Variants in PNLDC1 observed in about 807,000 individuals in gnomAD.
The protein encoded by PNLDC1 is poly(A)-specific ribonuclease PNLDC1.
Under a neutral mutation model 82.0 loss-of-function variants are expected in PNLDC1, and 70 were observed. The ratio of observed to expected loss-of-function variants is 0.85; its 90% CI spans 0.70 to 1.04. The LOEUF (loss-of-function observed/expected upper bound fraction) is 1.04. Among genes scored for constraint, PNLDC1 ranks in the 50% least tolerant of loss-of-function variants. The pLI, the probability that PNLDC1 is intolerant of heterozygous loss-of-function variation, is 0.00. For synonymous variants in PNLDC1, 280 were observed against 249.3 expected (o/e 1.12, Z -1.16); for missense variants, 631 against 661.1 (o/e 0.95, Z 0.50).
chr6:159,809,317 G>T (rs1781566318), intron 9 of PNLDC1, among the ~76,000 whole-genome samples, 159 bp downstream of exon 9: 1 of 152,120 alleles, frequency 6.6e-6, no homozygotes, highest in Admixed American at 6.5e-5. Flanking sequence ...GGTCTCACCT[G>T]TCACCCAGGC....
intron 7 of PNLDC1, among the ~76,000 whole-genome samples, chr6:159,806,838 T>C (rs979895859): frequency 1.3e-5 from 2 of 151,988 alleles, no homozygotes; most frequent in African/African-American, 4.8e-5. Context: ...ATACAGTGAT[T>C]GTGTCAAGGA....
chr6:159,805,856 G>C (rs1781428122), intron 6 of PNLDC1, 127 bp from the exon 7 acceptor site: 1 of 693,936 alleles, frequency 1.4e-6, no homozygotes, highest in Non-Finnish European at 2.6e-6. Flanking sequence ...GTCTTCTTTT[G>C]GTACATTTTC....
Position 159,800,448 on chromosome 6 carries a change from G to C in PNLDC1, c.76+65G>C, listed in dbSNP as rs532735206. The C allele has an allele frequency of 2.7e-6, 4 of 1,499,482 alleles. No homozygotes were observed. The East Asian group carries it at 1.0e-4, about 37-fold the overall frequency. The allele number at this position is 1,499,482 out of a possible 1,614,324, so 92.9% of individuals were successfully genotyped here. A position where few individuals can be genotyped will look rare whatever the true frequency, so the allele number is the denominator to read the frequency against. On this transcript the variant is annotated intron_variant, in intron 1 of 18. Transcript: ENST00000392167. ...CCTTGCCCCGGGCGAGCTTGAGGAGGGGGTGGCGGGACGGTTGCCAGGCCA... is the reference window on the plus strand; with the variant it reads ...CCTTGCCCCGGGCGAGCTTGAGGAGCGGGTGGCGGGACGGTTGCCAGGCCA...
Position 159,819,187 on chromosome 6 carries a change from CCCGCCTGATCACAGCAGGCGGCG to C in PNLDC1, c.1434-64_1434-42del. 1 of 1,609,068 alleles carries C rather than the reference CCCGCCTGATCACAGCAGGCGGCG, an allele frequency of 6.2e-7. No individual in the cohort carries two copies. Among genetic ancestry groups the C allele is most frequent in the Non-Finnish European group, 8.5e-7 (1 of 1,176,350 alleles). Reference sequence around the variant, plus strand: ...TCATCCCTGTATCTCTCTGACTCCACCCGCCTGATCACAGCAGGCGGCGCCATCCTGCTGCCTGGCTGACCACA... The same window carrying C: ...TCATCCCTGTATCTCTCTGACTCCACCCATCCTGCTGCCTGGCTGACCACA... On this transcript the variant is annotated intron_variant, in intron 17 of 18. Coordinates refer to ENST00000392167, the MANE Select transcript of PNLDC1 (RefSeq NM_001271862.2). The surrounding 1 kb of genome is among the most constrained non-coding windows in gnomAD (Gnocchi z 4.6).
In PNLDC1 at chr6:159,806,752, T is replaced by C. The variant is rs573062277; in HGVS notation, c.562+669T>C. The stretch of plus-strand genomic sequence containing the variant: ...TATTAAATCTCAATCTTTTGATTAC[T>C]CATCTTTTAAATATATGTCAATATA... On this transcript the variant is annotated intron_variant, in intron 7 of 18. Transcript: ENST00000392167. 2.8e-3 allele frequency among the ~76,000 whole-genome samples: 434 copies of C among 152,362 alleles called. 2 individuals are homozygous for C. The highest frequency in any genetic ancestry group is 1.0e-2 in the African/African-American group (414 of 41,590).
intron 1 of PNLDC1, 119 bp from the exon 2 acceptor site, chr6:159,800,653 A>G (rs769882653): frequency 1.3e-6 from 2 of 1,582,352 alleles, no homozygotes; most frequent in Admixed American, 1.8e-5. Context: ...TCCTGACCTC[A>G]CTTGGCTTCT....
chr6:159,813,509 C>T (rs1781710217), intron 11 of PNLDC1, 92 bp from the exon 12 acceptor site: 8 of 1,128,144 alleles, frequency 7.1e-6, no homozygotes, highest in Non-Finnish European at 8.1e-6. Flanking sequence ...GAGCATTTTC[C>T]AGGCCATTTT....
At chr6:159,801,211 G>A (rs531396929) in intron 3 of PNLDC1, 25 bp downstream of exon 3, 10 of 1,598,596 alleles carry the variant, frequency 6.3e-6, no homozygotes, top group Non-Finnish European at 7.7e-6. Context: ...AGCTGTTAGA[G>A]TTTTTCAAGA....
At chr6:159,806,218 TG>T in intron 7 of PNLDC1, 135 bp downstream of exon 7, 1 of 691,910 alleles carries the variant, frequency 1.4e-6, no homozygotes, top group Non-Finnish European at 2.6e-6. Context: ...TGCAAGCATT[TG>T]TTTGGCGGTT....
At chr6:159,820,329 G>A (rs553426542) in intron 18 of PNLDC1, 125 bp from the exon 19 acceptor site, 18 of 887,272 alleles carry the variant, frequency 2.0e-5, no homozygotes, top group Middle Eastern at 2.8e-4. Context: ...TGTTGTCGTC[G>A]GGAGAGTGAC....
chr6:159,816,549 CAA>C lies in PNLDC1; in HGVS notation c.1069_1070del (p.Lys357ValfsTer8). On this transcript the variant is annotated frameshift_variant, in exon 14 of 19. Coordinates refer to ENST00000392167, the MANE Select transcript of PNLDC1 (RefSeq NM_001271862.2). LOFTEE classifies it high-confidence loss of function. The stretch of plus-strand genomic sequence containing the variant: ...CTGGTGGAAAATGCCTCAGTTGAGA[CAA>C]AGTGCCCCCACGAAGCCGCGTATGA... 1 of 1,613,420 alleles carries C rather than the reference CAA, an allele frequency of 6.2e-7. No individual in the cohort carries two copies. Among genetic ancestry groups the C allele is most frequent in the Non-Finnish European group, 8.5e-7 (1 of 1,179,710 alleles).
At chr6:159,801,947 G>A (rs988759133) in intron 3 of PNLDC1, among the ~76,000 whole-genome samples, 3 of 151,642 alleles carry the variant, frequency 2.0e-5, no homozygotes, top group Admixed American at 6.6e-5. Context: ...GAGTGCAGTA[G>A]CGCGATGTGG....
chr6:159,815,890 A>T, intron 12 of PNLDC1, 79 bp from the exon 13 acceptor site: 1 of 1,123,008 alleles, frequency 8.9e-7, no homozygotes, highest in Non-Finnish European at 1.3e-6. Flanking sequence ...ATTTATATTA[A>T]CTTAAGGGAC....
In PNLDC1 at chr6:159,818,775, G is replaced by T. The variant is rs184042400; in HGVS notation, c.1257+121G>T. The T allele has an allele frequency of 1.9e-5, 23 of 1,225,240 alleles. No individual in the cohort carries two copies. In the Admixed American group the frequency reaches 4.1e-4, roughly 22 times the overall value. The allele number at this position is 1,225,240 out of a possible 1,614,324, so 75.9% of individuals were successfully genotyped here. A position where few individuals can be genotyped will look rare whatever the true frequency, so the allele number is the denominator to read the frequency against. ...CGGTGGTCGGTGAGATGAGAGCTGG[G>T]TTTTTCTTTCCTCTCATGTTTCTCC... is the stretch of plus-strand genomic sequence containing the variant. On this transcript the variant is annotated intron_variant, in intron 16 of 18. Transcript: ENST00000392167.
Position 159,814,803 on chromosome 6 carries a change from G to T in PNLDC1, c.995+1147G>T, listed in dbSNP as rs1170064301. ...TAACTATCTGTGAGATGAGAAAATA[G>T]TGTGTAACTCCAAGGTTGTTGTGAG... On this transcript the variant is annotated intron_variant, in intron 12 of 18. Transcript: ENST00000392167. Among the ~76,000 whole-genome samples, 2 of 152,158 alleles carry T rather than the reference G, an allele frequency of 1.3e-5. 1 individual carries two copies. The highest frequency in any genetic ancestry group is 4.1e-4 in the South Asian group (2 of 4,828).
Position 159,816,664 on chromosome 6 carries a change from C to G in PNLDC1, c.1114+68C>G, listed in dbSNP as rs986586919. On this transcript the variant is annotated intron_variant, in intron 14 of 18. Transcript: ENST00000392167. ...TTTTTTTTTCTGAGACAGGGTCTCA[C>G]TCTGTTGCCCAGGCTAGAGTACAGT... 3.7e-6 allele frequency: 5 copies of G among 1,362,660 alleles called. No individual in the cohort carries two copies. In the African/African-American group the frequency reaches 7.2e-5, roughly 20 times the overall value. The allele number at this position is 1,362,660 out of a possible 1,614,324, so 84.4% of individuals were successfully genotyped here.
chr6:159,811,231 A>G (rs765927252), intron 10 of PNLDC1, among the ~76,000 whole-genome samples: 1 of 152,230 alleles, frequency 6.6e-6, no homozygotes, highest in South Asian at 2.1e-4. Flanking sequence ...GTGTTTTGCA[A>G]TAAACCTCTT....
intron 7 of PNLDC1, among the ~76,000 whole-genome samples, chr6:159,808,278 A>C: frequency 6.6e-6 from 1 of 152,244 alleles, no homozygotes; most frequent in Non-Finnish European, 1.5e-5. Flanking sequence ...GCAAATGCCG[A>C]TACAACATTC....
chr6:159,812,046 C>T (rs374558670), intron 11 of PNLDC1, among the ~76,000 whole-genome samples: 87 of 152,094 alleles, frequency 5.7e-4, no homozygotes, highest in African/African-American at 1.8e-3. Context: ...ATTACAGGTG[C>T]GCACCACCAT....
Sources: allele counts gnomAD v4.1 joint callset (sites outside exome capture counted in the v4.1 genomes callset), GRCh38; gene constraint gnomAD v4.1.1; non-coding constraint Gnocchi (gnomAD v3.1); transcripts MANE v1.5; gene names NCBI Gene and HGNC (gene_info 2026-07-23, HGNC 2026-07-21).